The following CEP85L variants were observed in gnomAD, a reference collection of about 807,000 sequenced individuals.
CEP85L encodes centrosomal protein of 85 kDa-like.
A neutral mutation model predicts 100.3 loss-of-function variants in CEP85L; 60 were observed. The observed-to-expected ratio is 0.60, with a 90% confidence interval of 0.49 to 0.74. The LOEUF (loss-of-function observed/expected upper bound fraction) is 0.74, where lower values mean the gene tolerates loss of function less well. CEP85L is among the 30% of genes least tolerant of loss of function. The probability of loss-of-function intolerance (pLI) is 0.00; values close to 1 mark genes in which losing one functional copy is unlikely to be tolerated. For missense variants in CEP85L, 973 were observed against 936.2 expected (o/e 1.04, Z -0.51); for synonymous variants, 319 against 322.7 (o/e 0.99, Z 0.12).
chr6:118,654,116 A>ATTCAT (rs1775690774), upstream of CEP85L, among the ~76,000 whole-genome samples: 1 of 152,178 alleles, frequency 6.6e-6, no homozygotes, highest in Non-Finnish European at 1.5e-5. Context: ...TAAAAGTGAT[A>ATTCAT]TTTTTAAATT....
intron 2 of CEP85L, 146 bp from the exon 3 acceptor site, chr6:118,566,462 G>A (rs2115000509): frequency 1.4e-6 from 1 of 720,320 alleles, no homozygotes; most frequent in East Asian, 2.7e-5. Flanking sequence ...TTGTTGCCTA[G>A]GCTGGAGTGC....
chr6:118,611,063 A>T (rs1772573518), intron 2 of CEP85L, among the ~76,000 whole-genome samples: 1 of 152,168 alleles, frequency 6.6e-6, no homozygotes, highest in Non-Finnish European at 1.5e-5. Flanking sequence ...ATAAAAAAAG[A>T]AACCTTGGAA....
intron 1 of CEP85L, among the ~76,000 whole-genome samples, chr6:118,693,043 C>T (rs970478464): frequency 3.9e-5 from 6 of 152,242 alleles, no homozygotes; most frequent in Admixed American, 2.6e-4. Flanking sequence ...TGCTGAGATG[C>T]GGCAGAAGGA....
chr6:118,556,848 G>A (rs1296974671), intron 3 of CEP85L, among the ~76,000 whole-genome samples: 1 of 152,004 alleles, frequency 6.6e-6, no homozygotes, highest in Non-Finnish European at 1.5e-5. Context: ...TGTTAATAAC[G>A]ATTATCTCTG....
chr6:118,622,337 C>A (rs1484089978), intron 2 of CEP85L, among the ~76,000 whole-genome samples: 1 of 152,218 alleles, frequency 6.6e-6, no homozygotes, highest in Non-Finnish European at 1.5e-5. Context: ...ATGTGCAGCC[C>A]TCAACTCTGC....
chr6:118,653,493 A>T (rs1006285538), upstream of CEP85L, among the ~76,000 whole-genome samples: 1 of 152,230 alleles, frequency 6.6e-6, no homozygotes, highest in Non-Finnish European at 1.5e-5. Flanking sequence ...CATGGATGAT[A>T]TGTACATGGT....
At chr6:118,555,024 C>T (rs969776720) in intron 3 of CEP85L, among the ~76,000 whole-genome samples, 1 of 152,134 alleles carries the variant, frequency 6.6e-6, no homozygotes, top group African/African-American at 2.4e-5. Context: ...AAATTTCTGA[C>T]CTTTTAAGAC....
intron 5 of CEP85L, among the ~76,000 whole-genome samples, chr6:118,497,991 G>A (rs1775027989): frequency 6.6e-6 from 1 of 152,208 alleles, no homozygotes; most frequent in Non-Finnish European, 1.5e-5. Context: ...ACAAGGATGA[G>A]AAGGAAGATG....
At chr6:118,557,731 T>C (rs1347286930) in intron 3 of CEP85L, among the ~76,000 whole-genome samples, 1 of 152,176 alleles carries the variant, frequency 6.6e-6, no homozygotes, top group Non-Finnish European at 1.5e-5. Flanking sequence ...ATACAAATTA[T>C]TATCGAATAA....
chr6:118,486,987 A>G (rs1774231058), intron 6 of CEP85L, among the ~76,000 whole-genome samples: 1 of 152,182 alleles, frequency 6.6e-6, no homozygotes, highest in Non-Finnish European at 1.5e-5. Context: ...ACATTCAAAT[A>G]CAATCCCCCT....
At chr6:118,626,329 C>T (rs1028642778) in intron 2 of CEP85L, among the ~76,000 whole-genome samples, 1 of 152,158 alleles carries the variant, frequency 6.6e-6, no homozygotes, top group African/African-American at 2.4e-5. Context: ...CCCCACTCCT[C>T]CCCTGCCAAA....
At chr6:118,519,560 GTGTGTGTGTGTGTGTGT>G (rs1457459134) in intron 4 of CEP85L, among the ~76,000 whole-genome samples, 2 of 14,860 alleles carry the variant, frequency 1.3e-4, no homozygotes, top group African/African-American at 3.8e-4. Context: ...GTGTGTGTGT[GTGTGTGTGTGTGTGTGT>G]GTGTGGCGGG....
chr6:118,704,938 A>G (rs1771753), intron 1 of CEP85L, among the ~76,000 whole-genome samples: 7,708 of 151,930 alleles, frequency 0.051, 364 homozygotes, highest in African/African-American at 0.13. Context: ...CCTGTTTCTA[A>G]GTATTTACCA....
At chr6:118,667,146 A>G (rs1182096906) in intron 1 of CEP85L, among the ~76,000 whole-genome samples, 2 of 152,150 alleles carry the variant, frequency 1.3e-5, no homozygotes, top group Non-Finnish European at 2.9e-5. Context: ...CAAATGTTAG[A>G]ATTATGATTA....
chr6:118,542,900 C>CAAAAAAA (rs71012391), intron 3 of CEP85L, among the ~76,000 whole-genome samples: 19 of 67,154 alleles, frequency 2.8e-4, no homozygotes, highest in African/African-American at 4.4e-4. Flanking sequence ...CAAGTTTTCC[C>CAAAAAAA]AAAAAAAAAA....
chr6:118,473,532 G>T (rs914102885), intron 10 of CEP85L, among the ~76,000 whole-genome samples: 1 of 151,824 alleles, frequency 6.6e-6, no homozygotes, highest in Non-Finnish European at 1.5e-5. Context: ...TAGGGCCTCA[G>T]AAATCAGTAT....
intron 2 of CEP85L, among the ~76,000 whole-genome samples, chr6:118,603,804 T>C (rs1488745813): frequency 1.3e-5 from 2 of 152,220 alleles, no homozygotes; most frequent in Non-Finnish European, 1.5e-5. Context: ...CACTTAAGAA[T>C]ACCTGCTAGA....
chr6:118,532,505 C>A (rs143459713), intron 3 of CEP85L, among the ~76,000 whole-genome samples: 149 of 152,106 alleles, frequency 9.8e-4, no homozygotes, highest in African/African-American at 3.5e-3. Context: ...TACCCCTGAA[C>A]CCCAAATAAA....
intron 2 of CEP85L, among the ~76,000 whole-genome samples, chr6:118,579,278 T>C (rs2115065333): frequency 6.6e-6 from 1 of 152,086 alleles, no homozygotes; most frequent in South Asian, 2.1e-4. Context: ...AAAGGACAAT[T>C]TGATGTATGG....
Sources: allele counts gnomAD v4.1 joint callset (sites outside exome capture counted in the v4.1 genomes callset), GRCh38; gene constraint gnomAD v4.1.1; transcripts MANE v1.5; gene names NCBI Gene and HGNC (gene_info 2026-07-23, HGNC 2026-07-21).